The following NEK6 variants were observed in gnomAD, a reference collection of about 807,000 sequenced individuals.
NEK6 encodes NIMA related kinase 6, also known as serine/threonine-protein kinase Nek6.
In NEK6, 27 loss-of-function variants were observed where a neutral mutation model predicts 43.5. That is an observed-to-expected ratio of 0.62 (90% CI 0.46 to 0.86). The LOEUF (loss-of-function observed/expected upper bound fraction) is 0.86, where lower values mean the gene tolerates loss of function less well. Ranked by LOEUF, NEK6 falls within the 40% of genes least tolerant of loss-of-function variation. The probability of loss-of-function intolerance (pLI) is 0.00; values close to 1 mark genes in which losing one functional copy is unlikely to be tolerated. For missense variants in NEK6, 318 were observed against 414.4 expected, an observed-to-expected ratio of 0.77 and a Z score of 2.02; for synonymous variants, 167 against 164.1, an observed-to-expected ratio of 1.02 and a Z score of -0.14.
At position 124,343,690 on chromosome 9, in the gene NEK6, AG is replaced by A. The variant is rs963200749; in HGVS notation, c.718-4015del. ...CGCCCCACAGCCTGTGGTGTCTTCC[AG>A]GGGCACCAGCCTGAAGAGCTGTGAC... On this transcript the variant is annotated intron_variant, in intron 8 of 9. Transcript: ENST00000320246. This position sits in a 1 kb window ranked among gnomAD's most constrained non-coding sequence, Gnocchi z 5.1. Among the ~76,000 whole-genome samples, 3 of 152,176 alleles carry A rather than the reference AG, an allele frequency of 2.0e-5. No individual in the cohort carries two copies. Among genetic ancestry groups the A allele is most frequent in the Non-Finnish European group, 4.4e-5 (3 of 68,032 alleles).
intron 2 of NEK6, among the ~76,000 whole-genome samples, chr9:124,302,554 C>T (rs561991947): frequency 4.0e-4 from 61 of 152,362 alleles, no homozygotes; most frequent in African/African-American, 1.3e-3. Context: ...TAACGCCTGC[C>T]TCTCGCTCTC....
chr9:124,311,393 C>T (rs1274409619), intron 2 of NEK6, among the ~76,000 whole-genome samples: 5 of 152,258 alleles, frequency 3.3e-5, no homozygotes, highest in Middle Eastern at 3.4e-3. Flanking sequence ...GAGACACAGC[C>T]GGGCCCATCT....
chr9:124,282,704 C>A lies in NEK6; in HGVS notation c.-29-19232C>A, dbSNP rs189213086. Among the ~76,000 whole-genome samples, 370 of 152,366 alleles carry A rather than the reference C, an allele frequency of 2.4e-3. 2 individuals carry two copies. The highest frequency in any genetic ancestry group is 8.5e-3 in the African/African-American group (353 of 41,580). ...CCCCTGACTCTCTGCATCCCAGATT[C>A]ATTCCTACGCTTTCATACAGGCCCC... is the stretch of plus-strand genomic sequence containing the variant. On this transcript the variant is annotated intron_variant, in intron 1 of 9. Coordinates refer to ENST00000320246, the MANE Select transcript of NEK6 (RefSeq NM_014397.6).
chr9:124,327,020 C>T (rs549703597), intron 6 of NEK6, among the ~76,000 whole-genome samples: 2 of 152,190 alleles, frequency 1.3e-5, no homozygotes, highest in Non-Finnish European at 2.9e-5. Flanking sequence ...TCCCTGAGGG[C>T]CTCCTGTGTG....
At chr9:124,292,404 C>G in intron 1 of NEK6, 1 of 1,527,360 alleles carries the variant, frequency 6.5e-7, no homozygotes, top group Non-Finnish European at 8.8e-7. Context: ...AAAAGCAATT[C>G]TTTCTCTAGG....
intron 1 of NEK6, among the ~76,000 whole-genome samples, chr9:124,282,197 T>C (rs992433937): frequency 6.6e-6 from 1 of 152,242 alleles, no homozygotes; most frequent in African/African-American, 2.4e-5. Context: ...CCGTGGAGGC[T>C]CTGACAAAGC....
Position 124,313,958 on chromosome 9 carries a change from C to G in NEK6, c.267C>G (p.Asp89Glu). The G allele has an allele frequency of 6.2e-7, 1 of 1,614,218 alleles. No individual in the cohort carries two copies. The highest frequency in any genetic ancestry group is 8.5e-7 in the Non-Finnish European group (1 of 1,180,024). ...FEMMDAKARQ[D>E]CVKEIGLLKQ... ...TGATGGACGCCAAGGCGAGGCAGGA[C>G]TGTGTCAAGGAGATCGGCCTCTTGA... The change falls in exon 4 of 10, where the codon GAC (aspartate) becomes GAG (glutamate). Residue 89 changes from aspartate (D) to glutamate (E), a missense_variant. Asp to Glu is a conservative substitution (Grantham distance 45). This residue lies in a region of NEK6 where 239 missense variants were observed against 344.4 expected (regional missense o/e 0.69). Transcript: ENST00000320246.
Position 124,343,746 on chromosome 9 carries a change from T to C in NEK6, c.718-3963T>C, listed in dbSNP as rs973666447. 6.6e-6 allele frequency among the ~76,000 whole-genome samples: 1 copy of C among 152,110 alleles called. No individual in the cohort carries two copies. The highest frequency in any genetic ancestry group is 2.4e-5 in the African/African-American group (1 of 41,416). On this transcript the variant is annotated intron_variant, in intron 8 of 9. Transcript: ENST00000320246. The surrounding 1 kb of genome is among the most constrained non-coding windows in gnomAD (Gnocchi z 5.1). ...CCCCCTGCCCTCTCTGGACAACAGCTGAGGATCCTGCACAGGGCACATACC... is the reference window on the plus strand; with the variant it reads ...CCCCCTGCCCTCTCTGGACAACAGCCGAGGATCCTGCACAGGGCACATACC...
At chr9:124,303,043 A>T (rs1833074914) in intron 2 of NEK6, among the ~76,000 whole-genome samples, 1 of 152,230 alleles carries the variant, frequency 6.6e-6, no homozygotes. Flanking sequence ...GGAGCTGAGC[A>T]GAAGAACCTT....
rs1236738533 is a variant in NEK6 at position 124,258,670 on chromosome 9, C to T, written c.-30+585C>T. Among the ~76,000 whole-genome samples the T allele has an allele frequency of 6.6e-5, 10 of 152,212 alleles. 1 individual carries two copies. The highest frequency in any genetic ancestry group is 5.2e-4 in the Admixed American group (8 of 15,284). ...CTTTGCACAGTGATGGCCCCCGAGCCAGGGAGCCCGTGGAGAGAGAAGCGG... is the reference window on the plus strand; with the variant it reads ...CTTTGCACAGTGATGGCCCCCGAGCTAGGGAGCCCGTGGAGAGAGAAGCGG... On this transcript the variant is annotated intron_variant, in intron 1 of 9. Transcript: ENST00000320246.
chr9:124,327,284 C>T (rs577027281), intron 6 of NEK6, 54 bp from the exon 7 acceptor site: 3 of 1,459,306 alleles, frequency 2.1e-6, no homozygotes, highest in African/African-American at 1.4e-5. Flanking sequence ...TCGTCCTGCC[C>T]CACCTACCCC....
intron 1 of NEK6, among the ~76,000 whole-genome samples, chr9:124,264,151 G>T (rs148844099): frequency 2.0e-5 from 3 of 152,318 alleles, no homozygotes; most frequent in Admixed American, 6.5e-5. Flanking sequence ...GCCCCCCAAA[G>T]CCATTTGGGT....
At chr9:124,315,822 G>A (rs1040471276) in intron 4 of NEK6, among the ~76,000 whole-genome samples, 7 of 152,354 alleles carry the variant, frequency 4.6e-5, no homozygotes, top group East Asian at 1.9e-4. Context: ...GCACCAAGCC[G>A]GGGTTTCAGA....
At chr9:124,328,476 C>T (rs112113632) in intron 7 of NEK6, among the ~76,000 whole-genome samples, 2,994 of 152,222 alleles carry the variant, frequency 0.02, 91 homozygotes, top group African/African-American at 0.068. Context: ...GTGCTGTGCC[C>T]ACCAGCATCC....
intron 1 of NEK6, chr9:124,292,861 C>T: frequency 6.9e-7 from 1 of 1,448,276 alleles, no homozygotes; most frequent in Non-Finnish European, 9.1e-7. Context: ...GAAGAAGACA[C>T]ATGAATTAGA....
intron 1 of NEK6, chr9:124,292,772 G>A (rs1832486056): frequency 1.5e-6 from 2 of 1,298,766 alleles, no homozygotes; most frequent in African/African-American, 3.0e-5. Flanking sequence ...CAGTTACCCA[G>A]CCTCTCCTCT....
chr9:124,285,810 C>T (rs963344407), intron 1 of NEK6, among the ~76,000 whole-genome samples: 1 of 152,166 alleles, frequency 6.6e-6, no homozygotes, highest in East Asian at 1.9e-4. Flanking sequence ...GTTTTCCCAC[C>T]TCTATTGGGC....
At position 124,305,694 on chromosome 9, in the gene NEK6, G is replaced by T. The variant is rs1008952867; in HGVS notation, c.90+3640G>T. ...TTGGGGGCTCCCAGTCTGCTGAGAA[G>T]CTCTGCATGTTGCAGAGAGGTGGAA... On this transcript the variant is annotated intron_variant, in intron 2 of 9. Transcript: ENST00000320246. 3.3e-5 allele frequency among the ~76,000 whole-genome samples: 5 copies of T among 152,170 alleles called. No homozygotes were observed. The South Asian group carries it at 1.0e-3, about 32-fold the overall frequency.
At chr9:124,266,391 T>A (rs1451302607) in intron 1 of NEK6, among the ~76,000 whole-genome samples, 1 of 152,080 alleles carries the variant, frequency 6.6e-6, no homozygotes, top group African/African-American at 2.4e-5. Context: ...TCAGCCTGAG[T>A]GCTGTGAGGA....
Sources: allele counts gnomAD v4.1 joint callset (sites outside exome capture counted in the v4.1 genomes callset), GRCh38; gene constraint gnomAD v4.1.1; regional missense constraint gnomAD v4.1.1; non-coding constraint Gnocchi (gnomAD v3.1); transcripts MANE v1.5; gene names NCBI Gene and HGNC (gene_info 2026-07-23, HGNC 2026-07-21).